Variants in WWOX observed in about 807,000 individuals in gnomAD.
The protein encoded by WWOX is WW domain-containing oxidoreductase.
Under a neutral mutation model 46.2 loss-of-function variants are expected in WWOX, and 69 were observed. The observed-to-expected ratio is 1.49, with a 90% CI of 1.23 to 1.82. WWOX has a LOEUF of 1.82. Among genes scored for constraint, WWOX ranks in the 40% most tolerant of loss-of-function variants. The pLI, the probability that WWOX is intolerant of heterozygous loss-of-function variation, is 0.00. For synonymous variants in WWOX, 359 were observed against 202.6 expected, an observed-to-expected ratio of 1.77 and a Z score of -6.56; for missense variants, 919 against 542.6, an observed-to-expected ratio of 1.69 and a Z score of -6.89.
rs147657103 is a variant in WWOX, at chr16:78,950,567, T to A, written c.1057-261041T>A. The stretch of plus-strand genomic sequence containing the variant: ...ACACACACACACACACACACACACG[T>A]TTCTGGTATTAGGAAATGGAGATTT... On this transcript the variant is annotated intron_variant, in intron 8 of 8. Coordinates refer to ENST00000566780, the MANE Select transcript of WWOX (RefSeq NM_016373.4). Among the ~76,000 whole-genome samples, 9 of 128,312 alleles carry A rather than the reference T, an allele frequency of 7.0e-5. No homozygotes were observed. The East Asian group carries it at 2.0e-3, about 29-fold the overall frequency. 84.2% of individuals were successfully genotyped at this position (128,312 alleles called of 152,430 possible).
intron 5 of WWOX, among the ~76,000 whole-genome samples, chr16:78,279,907 G>A (rs1256746146): frequency 6.6e-6 from 1 of 152,240 alleles, no homozygotes; most frequent in Non-Finnish European, 1.5e-5. Flanking sequence ...AGTGCATAGG[G>A]AAAAGGGAGG....
chr16:78,617,147 C>T (rs779269530), intron 8 of WWOX, among the ~76,000 whole-genome samples: 5 of 152,124 alleles, frequency 3.3e-5, no homozygotes, highest in African/African-American at 7.2e-5. Flanking sequence ...TGTGGTGGCT[C>T]ACGCCTGTAA....
chr16:78,138,301 CA>C (rs1791010504), intron 4 of WWOX, among the ~76,000 whole-genome samples: 6 of 150,940 alleles, frequency 4.0e-5, no homozygotes, highest in African/African-American at 7.3e-5. Context: ...GATTAAGAGC[CA>C]TGCTATGATG....
At chr16:78,593,129 C>G (rs1207714668) in intron 8 of WWOX, among the ~76,000 whole-genome samples, 1 of 152,142 alleles carries the variant, frequency 6.6e-6, no homozygotes, top group East Asian at 1.9e-4. Flanking sequence ...TTGTGCCAAA[C>G]CAGGTGTCAT....
chr16:79,118,983 T>C (rs1421667688), intron 8 of WWOX, among the ~76,000 whole-genome samples: 1 of 152,232 alleles, frequency 6.6e-6, no homozygotes, highest in Non-Finnish European at 1.5e-5. Context: ...GTGATAAACA[T>C]CTCTGTGCAT....
At position 78,448,827 on chromosome 16, in the gene WWOX, A is replaced by G. The variant is rs565339246; in HGVS notation, c.1056+16075A>G. Among the ~76,000 whole-genome samples the G allele has an allele frequency of 1.1e-4, 16 of 152,164 alleles. 1 individual carries two copies. The East Asian group carries it at 3.1e-3, about 29-fold the overall frequency. On this transcript the variant is annotated intron_variant, in intron 8 of 8. Transcript: ENST00000566780. ...TATCCTTTTATGGCTGCTTCTGATC[A>G]TTGTCATGGTGATTGTCAACTGTCT... is the stretch of plus-strand genomic sequence containing the variant.
intron 8 of WWOX, among the ~76,000 whole-genome samples, chr16:78,510,539 G>A (rs949870180): frequency 2.6e-5 from 4 of 152,128 alleles, no homozygotes; most frequent in African/African-American, 9.7e-5. Context: ...TAACTGAAAA[G>A]TATCAAGCAA....
chr16:78,984,480 G>A (rs1044839718), intron 8 of WWOX, among the ~76,000 whole-genome samples: 5 of 152,216 alleles, frequency 3.3e-5, no homozygotes, highest in Non-Finnish European at 5.9e-5. Flanking sequence ...GAATGGATGG[G>A]TGTGGCCGTG....
At chr16:78,243,078 C>G (rs1841115655) in intron 5 of WWOX, among the ~76,000 whole-genome samples, 1 of 152,164 alleles carries the variant, frequency 6.6e-6, no homozygotes, top group African/African-American at 2.4e-5. Context: ...CTCCTCTCAC[C>G]CAGGTCCATT....
At chr16:78,324,691 G>C (rs989298789) in intron 5 of WWOX, among the ~76,000 whole-genome samples, 1 of 149,414 alleles carries the variant, frequency 6.7e-6, no homozygotes. Context: ...AGTTACAAAA[G>C]TCCACATATG....
intron 8 of WWOX, among the ~76,000 whole-genome samples, chr16:79,132,166 A>ACC (rs1555532302): frequency 2.6e-4 from 37 of 141,860 alleles, no homozygotes; most frequent in African/African-American, 8.7e-4. Context: ...ACACACACAC[A>ACC]CCCCTTCCTA....
chr16:78,137,449 A>G (rs984197333), intron 4 of WWOX, among the ~76,000 whole-genome samples: 1 of 152,190 alleles, frequency 6.6e-6, no homozygotes, highest in African/African-American at 2.4e-5. Context: ...AGGTGGAATG[A>G]AAGCAACTAG....
At chr16:78,750,017 G>C (rs963872278) in intron 8 of WWOX, among the ~76,000 whole-genome samples, 3 of 152,146 alleles carry the variant, frequency 2.0e-5, no homozygotes, top group African/African-American at 7.2e-5. Context: ...TTGTCGTTCA[G>C]TAGTAGATAG....
chr16:78,747,221 C>T (rs1315133683), intron 8 of WWOX, among the ~76,000 whole-genome samples: 2 of 144,406 alleles, frequency 1.4e-5, no homozygotes, highest in Non-Finnish European at 1.5e-5. Context: ...GATGGAGTCT[C>T]GCTCTTGTCA....
intron 8 of WWOX, among the ~76,000 whole-genome samples, chr16:78,886,707 A>G (rs1004887330): frequency 1.3e-5 from 2 of 151,250 alleles, no homozygotes; most frequent in East Asian, 3.9e-4. Context: ...AAAGAAAAAC[A>G]TATAGAGAAA....
chr16:79,133,188 C>G (rs937524975), intron 8 of WWOX, among the ~76,000 whole-genome samples: 2 of 152,174 alleles, frequency 1.3e-5, no homozygotes, highest in Non-Finnish European at 2.9e-5. Flanking sequence ...TGTAATTAAG[C>G]GAGTGAAGTC....
chr16:78,321,403 C>T (rs980719591), intron 5 of WWOX, among the ~76,000 whole-genome samples: 4 of 107,518 alleles, frequency 3.7e-5, no homozygotes, highest in Non-Finnish European at 5.7e-5. Flanking sequence ...CGTATATATA[C>T]GTATATATAT....
intron 8 of WWOX, among the ~76,000 whole-genome samples, chr16:78,682,912 G>A (rs1347795951): frequency 1.3e-5 from 2 of 152,054 alleles, no homozygotes; most frequent in Admixed American, 6.5e-5. Context: ...ACATACTTTC[G>A]TGACTAAACA....
intron 8 of WWOX, among the ~76,000 whole-genome samples, chr16:79,124,926 C>T (rs1156816377): frequency 1.3e-5 from 2 of 152,142 alleles, no homozygotes; most frequent in Non-Finnish European, 2.9e-5. Context: ...TCCTCATTTT[C>T]AAGCTGAAGA....
Sources: gnomAD v4.1 joint callset for allele counts (sites outside exome capture counted in the v4.1 genomes callset) on GRCh38, gnomAD v4.1.1 for gene constraint, MANE v1.5 for transcripts, NCBI Gene and HGNC (gene_info 2026-07-23, HGNC 2026-07-21) for gene names.